Variants in CACNA1C observed in about 807,000 individuals in gnomAD.
The protein encoded by CACNA1C is calcium voltage-gated channel subunit alpha1 C.
CACNA1C carries 30 observed loss-of-function variants against 229.0 expected under a neutral mutation model. The ratio of observed to expected loss-of-function variants is 0.13; its 90% CI spans 0.10 to 0.18. The LOEUF (loss-of-function observed/expected upper bound fraction) is 0.18. Ranked by LOEUF, CACNA1C falls within the 10% of genes least tolerant of loss-of-function variation. The pLI is 1.00. For missense variants in CACNA1C, 1,658 were observed against 2,845.0 expected (o/e 0.58, Z 9.49); for synonymous variants, 1,114 against 1,132.5 (o/e 0.98, Z 0.33).
At chr12:2,199,299 T>A (rs890110162) in intron 3 of CACNA1C, among the ~76,000 whole-genome samples, 1 of 152,126 alleles carries the variant, frequency 6.6e-6, no homozygotes, top group Non-Finnish European at 1.5e-5. Context: ...TGGATTTCCT[T>A]CCATCTCTGC....
chr12:2,259,974 G>T (rs2079441019), intron 3 of CACNA1C, among the ~76,000 whole-genome samples: 1 of 152,082 alleles, frequency 6.6e-6, no homozygotes, highest in African/African-American at 2.4e-5. Flanking sequence ...GTGTTCTCAT[G>T]GTCATGCTCA....
chr12:2,316,886 G>A (rs1046234827), intron 3 of CACNA1C, among the ~76,000 whole-genome samples: 1 of 152,166 alleles, frequency 6.6e-6, no homozygotes, highest in African/African-American at 2.4e-5. Context: ...GCTGACTGCT[G>A]GTGAGACTTG....
At chr12:2,419,857 C>T (rs1370701858) in intron 3 of CACNA1C, among the ~76,000 whole-genome samples, 1 of 152,194 alleles carries the variant, frequency 6.6e-6, no homozygotes, top group African/African-American at 2.4e-5. Flanking sequence ...GCAGCCAGTG[C>T]TGAGGCTGGA....
intron 3 of CACNA1C, among the ~76,000 whole-genome samples, chr12:2,190,823 T>C (rs1598569909): frequency 6.6e-6 from 1 of 152,078 alleles, no homozygotes; most frequent in East Asian, 1.9e-4. Flanking sequence ...TTATTCAGGG[T>C]CTCAGAATAC....
intron 3 of CACNA1C, among the ~76,000 whole-genome samples, chr12:2,301,065 A>G (rs1307302863): frequency 6.6e-6 from 1 of 151,996 alleles, no homozygotes; most frequent in African/African-American, 2.4e-5. Flanking sequence ...GCAGGCATAC[A>G]CTCCGTGTCC....
chr12:2,445,389 A>G (rs1189524060), intron 3 of CACNA1C, among the ~76,000 whole-genome samples: 2 of 152,172 alleles, frequency 1.3e-5, no homozygotes, highest in East Asian at 1.9e-4. Context: ...CCAGCACCCA[A>G]CACTTACATA....
rs1331997218 is a variant in CACNA1C, at chr12:2,573,020, C to T, written c.1895+5226C>T. ...TCCTCCTTCTTCTCCTCCTCCTCCT[C>T]CTTCTTCTTCCTTTTCTTCTTCTTC... On this transcript the variant is annotated intron_variant, in intron 13 of 46. Coordinates refer to ENST00000399655, the MANE Select transcript of CACNA1C (RefSeq NM_000719.7). 3.3e-5 allele frequency among the ~76,000 whole-genome samples: 5 copies of T among 149,928 alleles called. No homozygotes were observed. The East Asian group carries it at 7.9e-4, about 24-fold the overall frequency.
chr12:2,214,377 T>G (rs1353272129), intron 3 of CACNA1C, among the ~76,000 whole-genome samples: 1 of 152,174 alleles, frequency 6.6e-6, no homozygotes, highest in Non-Finnish European at 1.5e-5. Flanking sequence ...AGAGTGTCAT[T>G]GCAGGACTCC....
intron 3 of CACNA1C, among the ~76,000 whole-genome samples, chr12:2,202,966 T>C (rs1038819826): frequency 6.6e-6 from 1 of 152,166 alleles, no homozygotes; most frequent in Non-Finnish European, 1.5e-5. Context: ...AGTACAATCC[T>C]AGAAACCTAG....
At chr12:2,686,096 G>C in intron 44 of CACNA1C, 70 bp from the exon 45 acceptor site, 1 of 1,233,928 alleles carries the variant, frequency 8.1e-7, no homozygotes, top group South Asian at 1.2e-5. Context: ...CACCCCACCA[G>C]GGTGTAAACT....
In CACNA1C at chr12:2,410,332, A is replaced by G. The variant is rs910994603; in HGVS notation, c.478-38644A>G. ...CCCTGGCCTCCCATTCACAGCAGAAAAGGGCACAAGGCCCTTCGTGTCCCA... is the reference window on the plus strand; with the variant it reads ...CCCTGGCCTCCCATTCACAGCAGAAGAGGGCACAAGGCCCTTCGTGTCCCA... On this transcript the variant is annotated intron_variant, in intron 3 of 46. Transcript: ENST00000399655. This position sits in a 1 kb window ranked among gnomAD's most constrained non-coding sequence, Gnocchi z 5.3. 2.0e-5 allele frequency among the ~76,000 whole-genome samples: 3 copies of G among 152,142 alleles called. No individual in the cohort carries two copies. Among genetic ancestry groups the G allele is most frequent in the Non-Finnish European group, 4.4e-5 (3 of 68,042 alleles).
intron 3 of CACNA1C, among the ~76,000 whole-genome samples, chr12:2,423,396 G>A (rs535971672): frequency 9.9e-5 from 15 of 152,284 alleles, no homozygotes; most frequent in East Asian, 9.6e-4. Flanking sequence ...AGCACTTGCC[G>A]TAGCTCTCAC....
In CACNA1C at chr12:2,170,947, A is replaced by G. The variant is rs528674231; in HGVS notation, c.477+50517A>G. Among the ~76,000 whole-genome samples, 12 of 152,284 alleles carry G rather than the reference A, an allele frequency of 7.9e-5. No homozygotes were observed. The South Asian group carries it at 2.5e-3, about 32-fold the overall frequency. ...GTATGTGTTGCCCTTGGAGGCAGGG[A>G]GAAGGGCTGGTCTGTCCCTGTGCTT... On this transcript the variant is annotated intron_variant, in intron 3 of 46. Transcript: ENST00000399655.
chr12:2,001,559 A>C (rs1840549949), intron 1 of CACNA1C, among the ~76,000 whole-genome samples: 1 of 152,186 alleles, frequency 6.6e-6, no homozygotes, highest in Non-Finnish European at 1.5e-5. Context: ...TAACTTGATT[A>C]TTCTCAGTTA....
intron 3 of CACNA1C, among the ~76,000 whole-genome samples, chr12:2,153,235 A>T (rs192332073): frequency 6.6e-6 from 1 of 152,300 alleles, no homozygotes; most frequent in Non-Finnish European, 1.5e-5. Context: ...CCTTGAGGTT[A>T]ATGAAAGACA....
At chr12:2,199,285 C>G (rs987601743) in intron 3 of CACNA1C, among the ~76,000 whole-genome samples, 1 of 152,168 alleles carries the variant, frequency 6.6e-6, no homozygotes, top group Non-Finnish European at 1.5e-5. Context: ...GGGTCACTTA[C>G]ACGTGGATTT....
intron 1 of CACNA1C, among the ~76,000 whole-genome samples, chr12:2,100,480 C>A (rs112453365): frequency 0.023 from 2,702 of 118,314 alleles, 105 homozygotes; most frequent in African/African-American, 0.075. Flanking sequence ...AAAAAAAAAA[C>A]AAAAAAAAAA....
chr12:2,465,990 T>C (rs950880036), intron 5 of CACNA1C, among the ~76,000 whole-genome samples: 2 of 152,164 alleles, frequency 1.3e-5, no homozygotes, highest in African/African-American at 4.8e-5. Context: ...GACTTAAAAA[T>C]TGCTGCTGCA....
rs369165038 is a variant in CACNA1C, at chr12:2,467,818, C to T, written c.757+10112C>T. Among the ~76,000 whole-genome samples, 16 of 152,342 alleles carry T rather than the reference C, an allele frequency of 1.1e-4. No individual in the cohort carries two copies. The South Asian group carries it at 1.2e-3, about 12-fold the overall frequency. Reference sequence around the variant, plus strand: ...CATCCTCCCAGGTGCCCCTGAAAGACGCCTGGGCCAGCAGCTCAAGGCCCA... The same window carrying T: ...CATCCTCCCAGGTGCCCCTGAAAGATGCCTGGGCCAGCAGCTCAAGGCCCA... On this transcript the variant is annotated intron_variant, in intron 5 of 46. Coordinates refer to ENST00000399655, the MANE Select transcript of CACNA1C (RefSeq NM_000719.7). This position sits in a 1 kb window ranked among gnomAD's most constrained non-coding sequence, Gnocchi z 4.6.
Sources: allele counts gnomAD v4.1 joint callset (sites outside exome capture counted in the v4.1 genomes callset), GRCh38; gene constraint gnomAD v4.1.1; non-coding constraint Gnocchi (gnomAD v3.1); transcripts MANE v1.5; gene names NCBI Gene and HGNC (gene_info 2026-07-23, HGNC 2026-07-21).